ADAMTS16: variants seen among roughly 807,000 people sequenced by gnomAD.
The protein encoded by ADAMTS16 is ADAM metallopeptidase with thrombospondin type 1 motif 16.
ADAMTS16 carries 94 observed loss-of-function variants against 145.8 expected under a neutral mutation model. That is an observed-to-expected ratio of 0.64 (90% CI 0.55 to 0.77). ADAMTS16 has a LOEUF of 0.77. ADAMTS16 is among the 30% of genes least tolerant of loss of function. The pLI is 0.00. For missense variants in ADAMTS16, 1,585 were observed against 1,591.5 expected, an observed-to-expected ratio of 1.00 and a Z score of 0.07; for synonymous variants, 659 against 604.3, an observed-to-expected ratio of 1.09 and a Z score of -1.33.
At chr5:5,304,287 G>A (rs888790819) in intron 20 of ADAMTS16, among the ~76,000 whole-genome samples, 1 of 152,196 alleles carries the variant, frequency 6.6e-6, no homozygotes, top group Non-Finnish European at 1.5e-5. Flanking sequence ...AGGAGGCTGG[G>A]AAGCCGTTTC....
intron 4 of ADAMTS16, 120 bp downstream of exon 4, chr5:5,182,425 T>C (rs1180668651): frequency 9.1e-6 from 12 of 1,317,454 alleles, no homozygotes; most frequent in South Asian, 1.5e-5. Context: ...TGGACTGTCG[T>C]TGCTAAACTG....
At position 5,305,068 on chromosome 5, in the gene ADAMTS16, C is replaced by T. The variant is rs1422705975; in HGVS notation, c.3186+1302C>T. Among the ~76,000 whole-genome samples the T allele has an allele frequency of 1.7e-3, 112 of 64,638 alleles. 1 individual carries two copies. Among genetic ancestry groups the T allele is most frequent in the Non-Finnish European group, 2.8e-3 (85 of 30,890 alleles). 42.4% of individuals were successfully genotyped at this position (64,638 alleles called of 152,430 possible). ...CCACACACACACATCCCACACCACA[C>T]ACACACACACACATCCCACACCACA... is the stretch of plus-strand genomic sequence containing the variant. On this transcript the variant is annotated intron_variant, in intron 20 of 22. Coordinates refer to ENST00000274181, the MANE Select transcript of ADAMTS16 (RefSeq NM_139056.4).
In ADAMTS16 at chr5:5,319,315, A is replaced by G. The variant is rs538588674; in HGVS notation, c.*177A>G. 7.0e-5 allele frequency: 42 copies of G among 597,142 alleles called. No individual in the cohort carries two copies. In the East Asian group the frequency reaches 1.2e-3, roughly 17 times the overall value. 37.0% of individuals were successfully genotyped at this position (597,142 alleles called of 1,614,324 possible). A position where few individuals can be genotyped will look rare whatever the true frequency, so the allele number is the denominator to read the frequency against. On this transcript the variant is annotated 3_prime_UTR_variant, in exon 23 of 23. Transcript: ENST00000274181. Reference sequence around the variant, plus strand: ...TGTGTTTCACTGTGAGCCTGGGTGCAGACCTGTGTCCCCATGCACACAGTG... The same window carrying G: ...TGTGTTTCACTGTGAGCCTGGGTGCGGACCTGTGTCCCCATGCACACAGTG...
chr5:5,222,643 C>G (rs995239802), intron 10 of ADAMTS16, 146 bp from the exon 11 acceptor site: 4 of 633,540 alleles, frequency 6.3e-6, no homozygotes, highest in Non-Finnish European at 1.1e-5. Context: ...ACACCTTACT[C>G]TATTATATGC....
intron 9 of ADAMTS16, among the ~76,000 whole-genome samples, chr5:5,207,153 T>G (rs1439093354): frequency 1.3e-5 from 2 of 152,242 alleles, no homozygotes; most frequent in Non-Finnish European, 2.9e-5. Context: ...ACTAATCTCC[T>G]GACAAGATTG....
Position 5,182,181 on chromosome 5 carries a change from TC to T in ADAMTS16, c.641del (p.Pro214LeufsTer8). On this transcript the variant is annotated frameshift_variant, in exon 4 of 23. Coordinates refer to ENST00000274181, the MANE Select transcript of ADAMTS16 (RefSeq NM_139056.4). LOFTEE classifies it high-confidence loss of function. ...ACAAGAGATCCACAGAGCCCCATGCTCCTGGGGCCAGTGAGGTCCTGGTGAC... is the reference window on the plus strand; with the variant it reads ...ACAAGAGATCCACAGAGCCCCATGCTCTGGGGCCAGTGAGGTCCTGGTGAC... ...LYKRSTEPHAPGASEVLVTSR... is the reference protein window; with the variant it reads ...LYKRSTEPHAXGASEVLVTSR... 6.2e-7 allele frequency: 1 copy of T among 1,614,112 alleles called. No homozygotes were observed. The highest frequency in any genetic ancestry group is 8.5e-7 in the Non-Finnish European group (1 of 1,180,026).
intron 18 of ADAMTS16, among the ~76,000 whole-genome samples, chr5:5,270,966 T>C (rs558935016): frequency 6.6e-6 from 1 of 152,294 alleles, no homozygotes. Flanking sequence ...CCACAGTTCG[T>C]GCTCTGTCTG....
rs749886441 is a variant in ADAMTS16 at position 5,242,184 on chromosome 5, C to T, written c.2655C>T (p.Cys885=). 1.8e-5 allele frequency: 29 copies of T among 1,613,662 alleles called. No individual in the cohort carries two copies. Among genetic ancestry groups the T allele is most frequent in the Admixed American group, 1.2e-4 (7 of 59,994 alleles). ...TGCGCTCTGAGTGCTCCGTGTCCTG[C>T]GGAGGGGGTAGGTGCCTTCCAGTGC... ...AIVRSECSVS[C]GGGQMTVREG... is the part of the protein sequence containing the mutation. The change falls in exon 17 of 23, where the codon TGC becomes TGT. Residue 885 remains cysteine (C), a synonymous_variant. Transcript: ENST00000274181.
intron 18 of ADAMTS16, among the ~76,000 whole-genome samples, chr5:5,299,232 A>T (rs2126503944): frequency 1.1e-5 from 1 of 91,136 alleles, no homozygotes; most frequent in South Asian, 4.8e-4. Flanking sequence ...GAAACTTCAA[A>T]AAGAATCAGC....
rs375485579 is a variant in ADAMTS16, at chr5:5,235,106, G to T, written c.1943G>T (p.Arg648Leu). 1 of 1,605,864 alleles carries T rather than the reference G, an allele frequency of 6.2e-7. No individual in the cohort carries two copies. The highest frequency in any genetic ancestry group is 8.5e-7 in the Non-Finnish European group (1 of 1,173,252). The change falls in exon 13 of 23, where the codon CGT (arginine) becomes CTT (leucine). Residue 648 changes from arginine to leucine, a missense_variant. Physicochemically the swap from Arg to Leu is moderately radical, Grantham distance 102. Coordinates refer to ENST00000274181, the MANE Select transcript of ADAMTS16 (RefSeq NM_139056.4). ...QKCPRDSVDF[R>L]AAQCAEHNSR... The stretch of plus-strand genomic sequence containing the variant: ...TGTCCCCGGGACAGTGTTGACTTCC[G>T]TGCTGCTCAGTGTGCCGAGCACAAC...
intron 18 of ADAMTS16, among the ~76,000 whole-genome samples, chr5:5,277,227 A>G (rs1218616049): frequency 1.3e-5 from 2 of 152,232 alleles, no homozygotes; most frequent in East Asian, 1.9e-4. Flanking sequence ...CTTCAGCCGC[A>G]TCACAGAAGA....
chr5:5,215,902 A>G (rs1579317057), intron 10 of ADAMTS16, among the ~76,000 whole-genome samples: 1 of 102,692 alleles, frequency 9.7e-6, no homozygotes, highest in Non-Finnish European at 2.3e-5. Flanking sequence ...ATATATATAT[A>G]TATATATATA....
chr5:5,192,247 C>G (rs1735680320), intron 8 of ADAMTS16, among the ~76,000 whole-genome samples: 1 of 152,152 alleles, frequency 6.6e-6, no homozygotes, highest in Non-Finnish European at 1.5e-5. Flanking sequence ...GTCCCTGGGT[C>G]TTTCTCCAAC....
chr5:5,298,477 C>T (rs1240103994), intron 18 of ADAMTS16, among the ~76,000 whole-genome samples: 2 of 108,494 alleles, frequency 1.8e-5, no homozygotes, highest in African/African-American at 3.3e-5. Context: ...CCAAGCCAAC[C>T]GAGGAGGATG....
intron 17 of ADAMTS16, among the ~76,000 whole-genome samples, chr5:5,253,524 G>A (rs1201163175): frequency 6.6e-6 from 1 of 152,170 alleles, no homozygotes; most frequent in Admixed American, 6.5e-5. Context: ...CAGAAGGGGA[G>A]GCAGGTTTGC....
chr5:5,277,103 T>C (rs1008962586), intron 18 of ADAMTS16, among the ~76,000 whole-genome samples: 4 of 152,208 alleles, frequency 2.6e-5, no homozygotes, highest in African/African-American at 9.6e-5. Context: ...AATTTAGAAT[T>C]TGTGATTTTC....
chr5:5,143,915 G>A (rs534878896), intron 2 of ADAMTS16, among the ~76,000 whole-genome samples: 2 of 152,310 alleles, frequency 1.3e-5, no homozygotes, highest in Admixed American at 6.5e-5. Context: ...TCACTCGTAA[G>A]TGGGAGTTGA....
At position 5,184,096 on chromosome 5, in the gene ADAMTS16, C is replaced by G. The variant is rs566514528; in HGVS notation, c.763+1791C>G. ...GGGGCCATGTGACCAGCCCAGGCCC[C>G]GGAAAAGTGAGCAGAATCAACAGCG... On this transcript the variant is annotated intron_variant, in intron 4 of 22. Transcript: ENST00000274181. 9.9e-5 allele frequency among the ~76,000 whole-genome samples: 15 copies of G among 152,272 alleles called. No individual in the cohort carries two copies. The South Asian group carries it at 2.9e-3, about 29-fold the overall frequency.
chr5:5,244,805 T>A (rs557454695), intron 17 of ADAMTS16, among the ~76,000 whole-genome samples: 1 of 152,340 alleles, frequency 6.6e-6, no homozygotes, highest in East Asian at 1.9e-4. Context: ...AACATAAGAT[T>A]GAAATATCAG....
Sources: allele counts gnomAD v4.1 joint callset (sites outside exome capture counted in the v4.1 genomes callset), GRCh38; gene constraint gnomAD v4.1.1; transcripts MANE v1.5; gene names NCBI Gene and HGNC (gene_info 2026-07-23, HGNC 2026-07-21).